Variants in SNW1 observed in about 807,000 individuals in gnomAD.
The protein encoded by SNW1 is SNW domain containing 1, also known as SNW domain-containing protein 1.
SNW1 carries 9 observed loss-of-function variants against 75.6 expected under a neutral mutation model. The ratio of observed to expected loss-of-function variants is 0.12; its 90% CI spans 0.07 to 0.21. SNW1 has a LOEUF of 0.21. Ranked by LOEUF, SNW1 falls within the 10% of genes least tolerant of loss-of-function variation. The probability of loss-of-function intolerance (pLI) is 1.00; values close to 1 mark genes in which losing one functional copy is unlikely to be tolerated. For missense variants in SNW1, 409 were observed against 670.9 expected, an observed-to-expected ratio of 0.61 and a Z score of 4.31; for synonymous variants, 200 against 219.1, an observed-to-expected ratio of 0.91 and a Z score of 0.77.
chr14:77,742,571 C>T (rs10137746), intron 3 of SNW1, among the ~76,000 whole-genome samples: 1,526 of 152,224 alleles, frequency 0.01, 35 homozygotes, highest in African/African-American at 0.035. Context: ...TCAAAACATT[C>T]ACTATGTGAG....
chr14:77,722,392 A>T (rs1206894321), intron 11 of SNW1: 3 of 369,708 alleles, frequency 8.1e-6, no homozygotes, highest in African/African-American at 6.4e-5. Flanking sequence ...ACTCCTAAAA[A>T]TGAGCTGATT....
chr14:77,751,574 T>A, intron 2 of SNW1, 94 bp from the exon 3 acceptor site: 2 of 960,276 alleles, frequency 2.1e-6, no homozygotes, highest in Middle Eastern at 2.2e-4. Context: ...GAGTCCTTAG[T>A]ATGCTAGATG....
chr14:77,753,545 C>T lies in SNW1; in HGVS notation c.168+1422G>A, dbSNP rs146871256. On this transcript the variant is annotated intron_variant, in intron 2 of 13. Transcript: ENST00000261531. ...TGACTGGCCTTCACACACCAGCATTCATAAGGACCAGAGGAAAGCTGACAA... is the reference window on the plus strand; with the variant it reads ...TGACTGGCCTTCACACACCAGCATTTATAAGGACCAGAGGAAAGCTGACAA... Among the ~76,000 whole-genome samples, 174 of 152,194 alleles carry T rather than the reference C, an allele frequency of 1.1e-3. 1 individual carries two copies. The highest frequency in any genetic ancestry group is 2.1e-3 in the Non-Finnish European group (141 of 68,014).
intron 3 of SNW1, among the ~76,000 whole-genome samples, chr14:77,745,027 G>A (rs1566833681): frequency 6.6e-6 from 1 of 152,158 alleles, no homozygotes; most frequent in Non-Finnish European, 1.5e-5. Context: ...ACTGGTGGAC[G>A]CCTTATGTGT....
At chr14:77,745,195 A>C (rs936971898) in intron 3 of SNW1, among the ~76,000 whole-genome samples, 6 of 152,170 alleles carry the variant, frequency 3.9e-5, no homozygotes, top group African/African-American at 1.4e-4. Context: ...AGTAGAGAAG[A>C]GGGACACTCA....
chr14:77,742,165 T>C (rs1397213682), intron 3 of SNW1, among the ~76,000 whole-genome samples: 1 of 152,006 alleles, frequency 6.6e-6, no homozygotes, highest in East Asian at 1.9e-4. Context: ...CCTCCCAAGT[T>C]GCTGGGATTA....
intron 3 of SNW1, among the ~76,000 whole-genome samples, chr14:77,740,694 C>A (rs1411511522): frequency 6.6e-6 from 1 of 152,106 alleles, no homozygotes; most frequent in Non-Finnish European, 1.5e-5. Flanking sequence ...TTAGTAGTAA[C>A]CCCTCCCCAC....
At chr14:77,725,803 T>G (rs1332196071) in intron 10 of SNW1, among the ~76,000 whole-genome samples, 1 of 152,086 alleles carries the variant, frequency 6.6e-6, no homozygotes, top group Admixed American at 6.6e-5. Flanking sequence ...TTAGTCCCAG[T>G]TACTTGGGAG....
At chr14:77,726,687 G>A (rs984694475) in intron 10 of SNW1, among the ~76,000 whole-genome samples, 33 of 152,044 alleles carry the variant, frequency 2.2e-4, no homozygotes, top group African/African-American at 7.0e-4. Context: ...GGTGGTGTGC[G>A]CCTGTTGTCC....
At chr14:77,747,720 G>T (rs886585510) in intron 3 of SNW1, among the ~76,000 whole-genome samples, 1 of 146,704 alleles carries the variant, frequency 6.8e-6, no homozygotes, top group Non-Finnish European at 1.5e-5. Context: ...GGCAGCCCCC[G>T]CCCCGGCAGC....
At chr14:77,727,202 C>T (rs6574390) in intron 10 of SNW1, among the ~76,000 whole-genome samples, 18,725 of 151,912 alleles carry the variant, frequency 0.12, 1,492 homozygotes, top group African/African-American at 0.22. Context: ...TACAGGTGAA[C>T]GCCATCATAC....
intron 6 of SNW1, 43 bp from the exon 7 acceptor site, chr14:77,736,049 C>T (rs1376949608): frequency 7.0e-7 from 1 of 1,432,982 alleles, no homozygotes; most frequent in Non-Finnish European, 9.7e-7. Context: ...TAGTTTCCTC[C>T]CTTTTAGTCA....
In SNW1 at chr14:77,759,663, G is replaced by C. The variant is rs1045961783; in HGVS notation, c.14+1451C>G. Among the ~76,000 whole-genome samples, 3 of 152,196 alleles carry C rather than the reference G, an allele frequency of 2.0e-5. No homozygotes were observed. In the East Asian group the frequency reaches 5.8e-4, roughly 29 times the overall value. On this transcript the variant is annotated intron_variant, in intron 1 of 13. Transcript: ENST00000261531. ...ACACCTGGGGAGCACTCAAATGTTT[G>C]CTGCCTGTAACATTTACTAAACAAA...
intron 9 of SNW1, among the ~76,000 whole-genome samples, chr14:77,731,387 C>T (rs1029567000): frequency 1.3e-5 from 2 of 152,204 alleles, no homozygotes; most frequent in African/African-American, 4.8e-5. Flanking sequence ...AAGTATTTCA[C>T]TAATGCTTTC....
At chr14:77,733,768 A>AC (rs2080647123) in intron 8 of SNW1, among the ~76,000 whole-genome samples, 4 of 130,868 alleles carry the variant, frequency 3.1e-5, no homozygotes, top group African/African-American at 1.2e-4. Flanking sequence ...AAAAAAAAAA[A>AC]CCAAAGAAAA....
intron 1 of SNW1, among the ~76,000 whole-genome samples, chr14:77,760,110 T>C (rs865998278): frequency 2.2e-4 from 34 of 152,216 alleles, no homozygotes; most frequent in African/African-American, 8.2e-4. Flanking sequence ...TATGTCTGTA[T>C]ACCTTGCACC....
chr14:77,747,244 A>T (rs1457747374), intron 3 of SNW1, among the ~76,000 whole-genome samples: 8 of 152,066 alleles, frequency 5.3e-5, no homozygotes, highest in Non-Finnish European at 2.9e-5. Flanking sequence ...GCTGGAGTGC[A>T]GTGGCGTGAT....
At chr14:77,746,468 G>C (rs2080761269) in intron 3 of SNW1, among the ~76,000 whole-genome samples, 1 of 152,208 alleles carries the variant, frequency 6.6e-6, no homozygotes, top group African/African-American at 2.4e-5. Context: ...AGGGAAACAA[G>C]AACTAGAATA....
intron 6 of SNW1, among the ~76,000 whole-genome samples, chr14:77,736,603 T>C (rs1425091994): frequency 2.0e-5 from 3 of 151,180 alleles, no homozygotes; most frequent in Admixed American, 2.0e-4. Context: ...TTTATTGAGA[T>C]AATTGACATT....
Sources: gnomAD v4.1 joint callset for allele counts (sites outside exome capture counted in the v4.1 genomes callset) on GRCh38, gnomAD v4.1.1 for gene constraint, MANE v1.5 for transcripts, NCBI Gene and HGNC (gene_info 2026-07-23, HGNC 2026-07-21) for gene names.